Variants in MEIS2 observed in about 807,000 individuals in gnomAD.
The protein encoded by MEIS2 is homeobox protein Meis2.
MEIS2 carries 9 observed loss-of-function variants against 58.6 expected under a neutral mutation model. The ratio of observed to expected loss-of-function variants is 0.15; its 90% CI spans 0.09 to 0.27. MEIS2 has a LOEUF of 0.27. Ranked by LOEUF, MEIS2 falls within the 10% of genes least tolerant of loss-of-function variation. The pLI is 1.00. For synonymous variants in MEIS2, 221 were observed against 228.4 expected (o/e 0.97, Z 0.29); for missense variants, 427 against 635.0 (o/e 0.67, Z 3.52).
intron 7 of MEIS2, among the ~76,000 whole-genome samples, chr15:37,067,182 TG>T (rs1390541219): frequency 2.0e-5 from 3 of 151,226 alleles, no homozygotes; most frequent in Non-Finnish European, 4.4e-5. Flanking sequence ...CTCCATCTCC[TG>T]GGCTCAAGCG....
At chr15:37,034,770 C>A (rs935680766) in intron 8 of MEIS2, among the ~76,000 whole-genome samples, 9 of 152,112 alleles carry the variant, frequency 5.9e-5, no homozygotes, top group African/African-American at 2.2e-4. Flanking sequence ...TGACTCTGAG[C>A]GTATTGATGG....
At chr15:36,969,195 G>A (rs1377439140) in intron 8 of MEIS2, among the ~76,000 whole-genome samples, 1 of 152,092 alleles carries the variant, frequency 6.6e-6, no homozygotes, top group Non-Finnish European at 1.5e-5. Context: ...ATTTTCTCAG[G>A]ATGAAGAAAA....
intron 6 of MEIS2, among the ~76,000 whole-genome samples, chr15:37,092,267 C>G (rs1893616704): frequency 6.6e-6 from 1 of 152,196 alleles, no homozygotes; most frequent in African/African-American, 2.4e-5. Context: ...GCTTCCCATA[C>G]AAGTGCAAAG....
rs144657625 is a variant in MEIS2, at chr15:37,097,920, A to T, written c.245+47T>A. The T allele has an allele frequency of 4.8e-3, 7,332 of 1,523,302 alleles. 229 individuals carry two copies. In the South Asian group the frequency reaches 0.059, roughly 12 times the overall value. 94.4% of individuals were successfully genotyped at this position (1,523,302 alleles called of 1,614,324 possible). A position where few individuals can be genotyped will look rare whatever the true frequency, so the allele number is the denominator to read the frequency against. Reference sequence around the variant, plus strand: ...CCCACCCCCACAGAGACAAACACACACTCTCACACTCACACACAGTAAGCT... The same window carrying T: ...CCCACCCCCACAGAGACAAACACACTCTCTCACACTCACACACAGTAAGCT... On this transcript the variant is annotated intron_variant, in intron 2 of 11. Coordinates refer to ENST00000561208, the MANE Select transcript of MEIS2 (RefSeq NM_170675.5).
intron 10 of MEIS2, 22 bp downstream of exon 10, chr15:36,896,606 A>G (rs748614748): frequency 1.3e-6 from 2 of 1,595,348 alleles, no homozygotes; most frequent in Non-Finnish European, 1.7e-6. Context: ...GGACATAAAT[A>G]TAGATACTAC....
chr15:37,075,001 G>T (rs1233600269), intron 7 of MEIS2, among the ~76,000 whole-genome samples: 1 of 151,954 alleles, frequency 6.6e-6, no homozygotes, highest in Non-Finnish European at 1.5e-5. Context: ...ATCGACAACA[G>T]GAGGTGGGGC....
At chr15:36,916,350 C>T (rs993199657) in intron 9 of MEIS2, among the ~76,000 whole-genome samples, 5 of 151,378 alleles carry the variant, frequency 3.3e-5, no homozygotes, top group Admixed American at 3.3e-4. Context: ...TGGTGTGAAC[C>T]CGGTAGGCAG....
chr15:36,944,618 T>G (rs1255118729), intron 9 of MEIS2, among the ~76,000 whole-genome samples: 1 of 152,118 alleles, frequency 6.6e-6, no homozygotes, highest in Non-Finnish European at 1.5e-5. Flanking sequence ...TTTGTATTCA[T>G]TTCATCAGCA....
intron 7 of MEIS2, among the ~76,000 whole-genome samples, chr15:37,083,472 T>A (rs1335752496): frequency 6.6e-6 from 1 of 152,230 alleles, no homozygotes; most frequent in Non-Finnish European, 1.5e-5. Context: ...AAAGCAGGCC[T>A]GTGATTCCAC....
At chr15:37,074,793 T>C (rs571789118) in intron 7 of MEIS2, among the ~76,000 whole-genome samples, 70 of 152,102 alleles carry the variant, frequency 4.6e-4, no homozygotes, top group African/African-American at 1.5e-3. Flanking sequence ...GGAACTCATG[T>C]CTCTCTGTCT....
chr15:36,968,002 G>C (rs916448079), intron 8 of MEIS2, among the ~76,000 whole-genome samples: 1 of 152,236 alleles, frequency 6.6e-6, no homozygotes, highest in African/African-American at 2.4e-5. Context: ...TGTTAAGAGT[G>C]TGGTGTCACA....
chr15:37,061,056 TGTACA>T (rs1298822870), intron 7 of MEIS2, among the ~76,000 whole-genome samples: 1 of 152,200 alleles, frequency 6.6e-6, no homozygotes, highest in Non-Finnish European at 1.5e-5. Flanking sequence ...GGTTAGGTCC[TGTACA>T]GATTTGTATC....
chr15:37,008,230 A>G (rs1394575920), intron 8 of MEIS2, among the ~76,000 whole-genome samples: 1 of 152,236 alleles, frequency 6.6e-6, no homozygotes, highest in Non-Finnish European at 1.5e-5. Flanking sequence ...AGGACAATGA[A>G]CTTGGCGTTA....
chr15:36,913,450 A>G (rs2057135312), intron 9 of MEIS2, among the ~76,000 whole-genome samples: 2 of 152,206 alleles, frequency 1.3e-5, no homozygotes, highest in East Asian at 3.8e-4. Flanking sequence ...AGCCACTCAT[A>G]TATCTGTGAC....
chr15:36,935,580 G>T (rs1177205431), intron 9 of MEIS2, among the ~76,000 whole-genome samples: 1 of 152,070 alleles, frequency 6.6e-6, no homozygotes, highest in African/African-American at 2.4e-5. Flanking sequence ...GCAATATAAA[G>T]TTACGTAGAA....
chr15:37,010,078 T>G (rs1171034058), intron 8 of MEIS2, among the ~76,000 whole-genome samples: 2 of 151,772 alleles, frequency 1.3e-5, no homozygotes, highest in Admixed American at 6.6e-5. Flanking sequence ...GCACTGTGGG[T>G]TTTTTTTGTT....
At chr15:37,055,740 G>C (rs1409266653) in intron 7 of MEIS2, among the ~76,000 whole-genome samples, 1 of 152,138 alleles carries the variant, frequency 6.6e-6, no homozygotes, top group African/African-American at 2.4e-5. Context: ...TATGGGTCAG[G>C]TTTGTAATGC....
chr15:37,065,841 T>C (rs1181605585), intron 7 of MEIS2, among the ~76,000 whole-genome samples: 2 of 152,206 alleles, frequency 1.3e-5, no homozygotes, highest in Admixed American at 6.5e-5. Flanking sequence ...ACTAATGGAA[T>C]TGGCAGACTT....
intron 8 of MEIS2, among the ~76,000 whole-genome samples, chr15:37,026,592 G>A (rs1595955403): frequency 6.6e-6 from 1 of 152,264 alleles, no homozygotes; most frequent in East Asian, 1.9e-4. Context: ...TTCATTATCT[G>A]GCTATGTCAG....
Sources: allele counts gnomAD v4.1 joint callset (sites outside exome capture counted in the v4.1 genomes callset), GRCh38; gene constraint gnomAD v4.1.1; transcripts MANE v1.5; gene names NCBI Gene and HGNC (gene_info 2026-07-23, HGNC 2026-07-21).